Variants in SCML2 observed in about 807,000 individuals in gnomAD.
SCML2 encodes Scm polycomb group protein like 2, also known as sex comb on midleg-like protein 2.
A neutral mutation model predicts 48.4 loss-of-function variants in SCML2; 6 were observed. The ratio of observed to expected loss-of-function variants is 0.12; its 90% CI spans 0.07 to 0.24. The LOEUF (loss-of-function observed/expected upper bound fraction) is 0.24. Ranked by LOEUF, SCML2 falls within the 10% of genes least tolerant of loss-of-function variation. The pLI, the probability that SCML2 is intolerant of heterozygous loss-of-function variation, is 1.00. For synonymous variants in SCML2, 181 were observed against 189.5 expected (o/e 0.95, Z 0.37); for missense variants, 377 against 528.2 (o/e 0.71, Z 2.81).
At chrX:18,263,226 C>G (rs1171303028) in intron 8 of SCML2, among the ~76,000 whole-genome samples, 1 of 110,616 alleles carries the variant, frequency 9.0e-6, no homozygotes, top group African/African-American at 3.3e-5. Context: ...TATTGTACCA[C>G]TTCACATAAA....
chrX:18,277,007 A>C (rs1216255702), intron 7 of SCML2, among the ~76,000 whole-genome samples: 1 of 111,331 alleles, frequency 9.0e-6, no homozygotes, highest in African/African-American at 3.3e-5. Flanking sequence ...CACATCTAAA[A>C]AAAAAAAACC....
intron 7 of SCML2, among the ~76,000 whole-genome samples, chrX:18,303,399 G>A (rs527300264): frequency 3.6e-4 from 40 of 111,570 alleles, no homozygotes; most frequent in African/African-American, 1.3e-3. Context: ...CTGGAATTTT[G>A]CACTTTTGTT....
chrX:18,274,512 C>A lies in SCML2; in HGVS notation c.731-8710G>T, dbSNP rs1233159621. On this transcript the variant is annotated intron_variant, in intron 7 of 14. Transcript: ENST00000251900. The stretch of plus-strand genomic sequence containing the variant: ...CCATACTCTAGCCCATAAGCATGAT[C>A]TTTAGAAAATACAAATTTATGTCAC... Among the ~76,000 whole-genome samples the A allele has an allele frequency of 3.6e-5, 4 of 112,200 alleles. No individual in the cohort carries two copies. The Admixed American group carries it at 3.8e-4, about 11-fold the overall frequency.
At chrX:18,292,745 AT>A (rs1006874205) in intron 7 of SCML2, among the ~76,000 whole-genome samples, 5 of 111,168 alleles carry the variant, frequency 4.5e-5, no homozygotes, top group African/African-American at 1.6e-4. Context: ...AGCCTTCCAG[AT>A]TTTTTTTACA....
intron 1 of SCML2, among the ~76,000 whole-genome samples, chrX:18,343,973 T>C (rs867490353): frequency 1.5e-5 from 1 of 65,026 alleles, no homozygotes; most frequent in African/African-American, 5.8e-5. Context: ...AAAGAAAAAA[T>C]AATAAAATAA....
chrX:18,306,304 A>C (rs181875739), intron 6 of SCML2, among the ~76,000 whole-genome samples: 117 of 110,813 alleles, frequency 1.1e-3, no homozygotes, highest in Non-Finnish European at 1.6e-3. Flanking sequence ...ACAACCTCCC[A>C]ATCAGAGCTG....
chrX:18,339,116 G>T (rs1005192704), intron 1 of SCML2, among the ~76,000 whole-genome samples: 4 of 110,558 alleles, frequency 3.6e-5, no homozygotes, highest in Non-Finnish European at 7.6e-5. Flanking sequence ...TTCCAACTTG[G>T]ATTTCCAAGC....
At chrX:18,265,488 C>G in intron 8 of SCML2, 97 bp downstream of exon 8, 1 of 624,525 alleles carries the variant, frequency 1.6e-6, no homozygotes, top group Non-Finnish European at 2.5e-6. Flanking sequence ...TTTCTAAAGA[C>G]CCTCATCATA....
At chrX:18,269,569 T>C (rs1009341381) in intron 7 of SCML2, among the ~76,000 whole-genome samples, 13 of 111,600 alleles carry the variant, frequency 1.2e-4, no homozygotes, top group South Asian at 3.8e-4. Flanking sequence ...TAAACCCAAA[T>C]AAAATGTTCA....
At chrX:18,300,787 T>C (rs992751339) in intron 7 of SCML2, among the ~76,000 whole-genome samples, 8 of 106,510 alleles carry the variant, frequency 7.5e-5, no homozygotes, top group African/African-American at 2.8e-4. Flanking sequence ...CAAGACTCCG[T>C]TTCAAAAAAA....
intron 6 of SCML2, among the ~76,000 whole-genome samples, chrX:18,319,649 T>C (rs754078783): frequency 9.1e-6 from 1 of 109,534 alleles, no homozygotes; most frequent in South Asian, 4.0e-4. Context: ...CTCAGACTTC[T>C]AGCCTCCGCA....
intron 1 of SCML2, among the ~76,000 whole-genome samples, chrX:18,334,829 T>G (rs1427827543): frequency 8.9e-6 from 1 of 112,194 alleles, no homozygotes; most frequent in Non-Finnish European, 1.9e-5. Flanking sequence ...AAAGGCTATC[T>G]ATCCCGCCAT....
At chrX:18,344,382 G>T (rs1023309774) in intron 1 of SCML2, among the ~76,000 whole-genome samples, 1 of 111,734 alleles carries the variant, frequency 8.9e-6, no homozygotes, top group Non-Finnish European at 1.9e-5. Flanking sequence ...AAAGAAAAAT[G>T]ATTCAAATCG....
At chrX:18,243,705 C>T (rs979667288) in intron 13 of SCML2, among the ~76,000 whole-genome samples, 1 of 111,765 alleles carries the variant, frequency 8.9e-6, no homozygotes. Flanking sequence ...AGACATGAAA[C>T]AATTTAAGTG....
chrX:18,302,127 A>G (rs1054468061), intron 7 of SCML2, among the ~76,000 whole-genome samples: 1 of 110,948 alleles, frequency 9.0e-6, no homozygotes, highest in East Asian at 2.8e-4. Context: ...AGTATTGGGA[A>G]ACCACTTTTT....
At chrX:18,315,650 A>G (rs1020639046) in intron 6 of SCML2, among the ~76,000 whole-genome samples, 4 of 111,541 alleles carry the variant, frequency 3.6e-5, no homozygotes, top group Non-Finnish European at 7.5e-5. Flanking sequence ...CTCTCTGAAA[A>G]CCACAACCTC....
At chrX:18,253,458 G>A (rs901488141) in intron 11 of SCML2, among the ~76,000 whole-genome samples, 4 of 111,454 alleles carry the variant, frequency 3.6e-5, no homozygotes, top group Non-Finnish European at 7.5e-5. Flanking sequence ...AGACTATAAC[G>A]CAATTTTGAT....
At chrX:18,324,419 C>T (rs781405154) in intron 4 of SCML2, among the ~76,000 whole-genome samples, 1 of 111,658 alleles carries the variant, frequency 9.0e-6, no homozygotes, top group Non-Finnish European at 1.9e-5. Context: ...ACCAGCAGCT[C>T]ACCACTGCCT....
intron 8 of SCML2, among the ~76,000 whole-genome samples, chrX:18,262,632 C>T (rs1213368211): frequency 2.9e-5 from 3 of 102,731 alleles, no homozygotes; most frequent in Middle Eastern, 5.7e-3. Flanking sequence ...TGAGCCACCA[C>T]GCCTGGCTGG....
Sources: allele counts gnomAD v4.1 joint callset (sites outside exome capture counted in the v4.1 genomes callset), GRCh38; gene constraint gnomAD v4.1.1; transcripts MANE v1.5; gene names NCBI Gene and HGNC (gene_info 2026-07-23, HGNC 2026-07-21).